Variants in SLC35F4 observed in about 807,000 individuals in gnomAD.
SLC35F4 encodes chromosome 14 open reading frame 36.
In SLC35F4, 24 loss-of-function variants were observed where a neutral mutation model predicts 44.2. That is an observed-to-expected ratio of 0.54 (90% CI 0.39 to 0.76). SLC35F4 has a LOEUF of 0.76. SLC35F4 is among the 30% of genes least tolerant of loss of function. The probability of loss-of-function intolerance (pLI) is 0.00; values close to 1 mark genes in which losing one functional copy is unlikely to be tolerated. For synonymous variants in SLC35F4, 238 were observed against 223.6 expected, an observed-to-expected ratio of 1.06 and a Z score of -0.57; for missense variants, 562 against 586.1, an observed-to-expected ratio of 0.96 and a Z score of 0.42.
At chr14:57,868,151 G>A (rs10148087), upstream of SLC35F4, among the ~76,000 whole-genome samples, 11,827 of 152,086 alleles carry the variant, frequency 0.078, 653 homozygotes, top group African/African-American at 0.15. Flanking sequence ...AAACATACCC[G>A]CAAGAGTCTA....
chr14:57,878,934 G>A (rs1394075452), intron 1 of SLC35F4, among the ~76,000 whole-genome samples: 1 of 152,044 alleles, frequency 6.6e-6, no homozygotes, highest in Non-Finnish European at 1.5e-5. Context: ...AAGTATAAAG[G>A]TATTGTTTTG....
intron 1 of SLC35F4, among the ~76,000 whole-genome samples, chr14:57,810,107 T>C (rs563731929): frequency 4.1e-4 from 62 of 152,192 alleles, no homozygotes; most frequent in Non-Finnish European, 7.3e-4. Context: ...ACAAGATCAA[T>C]CATCATTCAA....
rs1175912450 is a variant in SLC35F4, at chr14:57,563,947, A to T, written c.*188T>A. 1 of 639,658 alleles carries T rather than the reference A, an allele frequency of 1.6e-6. No homozygotes were observed. The highest frequency in any genetic ancestry group is 2.5e-6 in the Non-Finnish European group (1 of 402,132). 39.6% of individuals were successfully genotyped at this position (639,658 alleles called of 1,614,324 possible). On this transcript the variant is annotated 3_prime_UTR_variant, in exon 8 of 8. Coordinates refer to ENST00000556826, the MANE Select transcript of SLC35F4 (RefSeq NM_001306087.2). ...AAGGACAAATGTGTTTTAATAAAAA[A>T]ATCCATTATGATTATTTACACCAAT...
At chr14:57,713,400 T>C (rs1488942255) in intron 1 of SLC35F4, among the ~76,000 whole-genome samples, 1 of 152,144 alleles carries the variant, frequency 6.6e-6, no homozygotes, top group Non-Finnish European at 1.5e-5. Context: ...TCTTTTCCTC[T>C]TTCTCCAGTT....
intron 1 of SLC35F4, among the ~76,000 whole-genome samples, chr14:57,842,545 C>T (rs1481873567): frequency 6.6e-6 from 1 of 152,096 alleles, no homozygotes; most frequent in Non-Finnish European, 1.5e-5. Flanking sequence ...ATATCTACAC[C>T]TCTGAAAGAT....
intron 1 of SLC35F4, among the ~76,000 whole-genome samples, chr14:57,935,851 A>C (rs901903390): frequency 6.6e-6 from 1 of 152,232 alleles, no homozygotes; most frequent in South Asian, 2.1e-4. Context: ...CCAATTTAAA[A>C]TTAGGATCTT....
intron 1 of SLC35F4, among the ~76,000 whole-genome samples, chr14:57,803,038 C>T (rs562227003): frequency 6.8e-4 from 101 of 147,984 alleles, no homozygotes; most frequent in Non-Finnish European, 1.2e-3. Flanking sequence ...TGATGAACAT[C>T]GATGCAAAAA....
chr14:57,680,396 G>A (rs750606505), intron 1 of SLC35F4, among the ~76,000 whole-genome samples: 1 of 152,070 alleles, frequency 6.6e-6, no homozygotes, highest in Non-Finnish European at 1.5e-5. Context: ...GGCTATTGAT[G>A]ACAAATCCAC....
intron 1 of SLC35F4, among the ~76,000 whole-genome samples, chr14:57,599,355 A>T (rs1377904775): frequency 6.6e-6 from 1 of 152,242 alleles, no homozygotes; most frequent in Non-Finnish European, 1.5e-5. Flanking sequence ...CTTAGTGCCA[A>T]TATCAGACCC....
intron 1 of SLC35F4, among the ~76,000 whole-genome samples, chr14:57,679,347 C>G (rs2140298260): frequency 6.6e-6 from 1 of 152,072 alleles, no homozygotes; most frequent in Admixed American, 6.5e-5. Context: ...ACACAGTGTA[C>G]CAGAATCTCT....
intron 1 of SLC35F4, among the ~76,000 whole-genome samples, chr14:57,919,201 G>C (rs1889391050): frequency 6.6e-6 from 1 of 152,166 alleles, no homozygotes; most frequent in Non-Finnish European, 1.5e-5. Flanking sequence ...ACACACATCA[G>C]ACTGGTATAT....
chr14:57,741,497 A>G (rs1471347818), intron 1 of SLC35F4, among the ~76,000 whole-genome samples: 1 of 152,080 alleles, frequency 6.6e-6, no homozygotes, highest in East Asian at 1.9e-4. Context: ...TCAGTGATGG[A>G]AGATCAAATG....
At chr14:57,826,856 CA>C (rs1246848494) in intron 1 of SLC35F4, among the ~76,000 whole-genome samples, 1 of 151,960 alleles carries the variant, frequency 6.6e-6, no homozygotes, top group Non-Finnish European at 1.5e-5. Context: ...AGTTAAGAAA[CA>C]AAAGATTCTG....
Position 57,589,399 on chromosome 14 carries a change from A to G in SLC35F4, c.404T>C (p.Ile135Thr). The G allele has an allele frequency of 6.2e-7, 1 of 1,614,032 alleles. No individual in the cohort carries two copies. Among genetic ancestry groups the G allele is most frequent in the African/African-American group, 1.3e-5 (1 of 75,060 alleles). ...AACCCAAGATGATGATACTGACAAG[A>G]TGATCAAGAGTCCCCAGATGCCCTT... is the stretch of plus-strand genomic sequence containing the variant. Reference protein sequence around the residue: ...VLKGIWGLLIILSVSSSWVGT... With the variant: ...VLKGIWGLLITLSVSSSWVGT... The change falls in exon 3 of 8, where the codon ATC becomes ACC. Residue 135 changes from isoleucine to threonine, a missense_variant. Coordinates refer to ENST00000556826, the MANE Select transcript of SLC35F4 (RefSeq NM_001306087.2).
rs117889504 is a variant in SLC35F4, at chr14:57,958,349, C to T, written n.282+23564G>A. On this transcript the variant is annotated intron_variant and non_coding_transcript_variant, in intron 1 of 1. Coordinates refer to the SLC35F4 transcript ENST00000556568. ...CTGAGATTACATGCGTGAGCCACTG[C>T]GCCAGGCAATTAGATGAATGTTGAA... Among the ~76,000 whole-genome samples the T allele has an allele frequency of 6.8e-4, 104 of 152,228 alleles. 1 individual carries two copies. In the East Asian group the frequency reaches 0.018, roughly 27 times the overall value.
intron 1 of SLC35F4, among the ~76,000 whole-genome samples, chr14:57,897,817 G>C (rs558042043): frequency 2.7e-4 from 41 of 152,076 alleles, no homozygotes; most frequent in Non-Finnish European, 5.6e-4. Flanking sequence ...CCCACAAATG[G>C]TATCATCTAT....
At chr14:57,622,391 C>A (rs2072232636) in intron 1 of SLC35F4, among the ~76,000 whole-genome samples, 1 of 148,252 alleles carries the variant, frequency 6.7e-6, no homozygotes, top group South Asian at 2.2e-4. Context: ...CGGCACTATT[C>A]ACAATAGCAA....
At chr14:57,749,313 C>G (rs1406567843) in intron 1 of SLC35F4, among the ~76,000 whole-genome samples, 1 of 152,132 alleles carries the variant, frequency 6.6e-6, no homozygotes, top group Admixed American at 6.6e-5. Context: ...CAGACTGCAA[C>G]TTAAGTATAA....
intron 1 of SLC35F4, among the ~76,000 whole-genome samples, chr14:57,938,054 CTT>C (rs976111900): frequency 6.6e-6 from 1 of 152,138 alleles, no homozygotes; most frequent in African/African-American, 2.4e-5. Flanking sequence ...TATCAATACT[CTT>C]TTTGTTATTG....
Sources: gnomAD v4.1 joint callset for allele counts (sites outside exome capture counted in the v4.1 genomes callset) on GRCh38, gnomAD v4.1.1 for gene constraint, MANE v1.5 for transcripts, NCBI Gene and HGNC (gene_info 2026-07-23, HGNC 2026-07-21) for gene names.